Variants in RPS6KC1 observed in about 807,000 individuals in gnomAD.
The protein encoded by RPS6KC1 is ribosomal protein S6 kinase C1, also known as inactive ribosomal protein S6 kinase delta-1.
In RPS6KC1, 54 loss-of-function variants were observed where a neutral mutation model predicts 103.8. That is an observed-to-expected ratio of 0.52 (90% CI 0.42 to 0.65). The LOEUF is 0.65. Among genes scored for constraint, RPS6KC1 ranks in the 30% least tolerant of loss-of-function variants. RPS6KC1 has a pLI of 0.00. For missense variants in RPS6KC1, 1,151 were observed against 1,253.8 expected, an observed-to-expected ratio of 0.92 and a Z score of 1.24; for synonymous variants, 439 against 438.7, an observed-to-expected ratio of 1.00 and a Z score of -0.01.
chr1:213,207,669 C>CT (rs887234404), intron 8 of RPS6KC1, among the ~76,000 whole-genome samples: 17 of 151,010 alleles, frequency 1.1e-4, no homozygotes, highest in South Asian at 8.4e-4. Context: ...ATTTATATAC[C>CT]TTTTTTTTTG....
chr1:213,096,226 T>G (rs1452984055), intron 3 of RPS6KC1, among the ~76,000 whole-genome samples: 1 of 152,216 alleles, frequency 6.6e-6, no homozygotes, highest in Non-Finnish European at 1.5e-5. Context: ...GAAGCAACTC[T>G]TTGTTCATTT....
At position 213,064,491 on chromosome 1, in the gene RPS6KC1, C is replaced by T. The variant is rs141491266; in HGVS notation, c.106-6515C>T. Among the ~76,000 whole-genome samples, 581 of 151,764 alleles carry T rather than the reference C, an allele frequency of 3.8e-3. 3 individuals carry two copies. Among genetic ancestry groups the T allele is most frequent in the African/African-American group, 0.014 (559 of 41,362 alleles). ...CAAGCGATTCTCCTGCCTCAGTCTCCCTAGTAGCTGGGATTATAGGTGGAT... is the reference window on the plus strand; with the variant it reads ...CAAGCGATTCTCCTGCCTCAGTCTCTCTAGTAGCTGGGATTATAGGTGGAT... On this transcript the variant is annotated intron_variant, in intron 1 of 14. Coordinates refer to ENST00000366960, the MANE Select transcript of RPS6KC1 (RefSeq NM_012424.6).
At chr1:213,394,443 C>T in the RPS6KC1 span, among the ~76,000 whole-genome samples, 1 of 152,166 alleles carries the variant, frequency 6.6e-6, no homozygotes, top group Non-Finnish European at 1.5e-5. Flanking sequence ...TACCCCTCAC[C>T]CCACCTCCAC....
the RPS6KC1 span, chr1:213,794,299 CAAT>C: frequency 2.6e-5 from 4 of 152,226 alleles, no homozygotes; most frequent in Admixed American, 1.3e-4. Flanking sequence ...GTAGAAACAA[CAAT>C]GAGACTGTTG....
chr1:213,073,635 C>T (rs1008313046), intron 2 of RPS6KC1, among the ~76,000 whole-genome samples: 49 of 151,844 alleles, frequency 3.2e-4, no homozygotes, highest in African/African-American at 1.2e-3. Flanking sequence ...ACTTTTAAAT[C>T]CTTTTTTAAA....
At chr1:213,566,560 CATA>C in the RPS6KC1 span, among the ~76,000 whole-genome samples, 1 of 137,400 alleles carries the variant, frequency 7.3e-6, no homozygotes, top group Non-Finnish European at 1.5e-5. Flanking sequence ...CTATCATTCT[CATA>C]TTTTGCTCCC....
chr1:213,060,263 A>G (rs986548275), intron 1 of RPS6KC1, among the ~76,000 whole-genome samples: 1 of 152,250 alleles, frequency 6.6e-6, no homozygotes, highest in Non-Finnish European at 1.5e-5. Context: ...AGGATTATTA[A>G]CAAATGTCTG....
the RPS6KC1 span, among the ~76,000 whole-genome samples, chr1:213,736,241 A>G: frequency 3.3e-5 from 5 of 152,320 alleles, no homozygotes; most frequent in South Asian, 4.1e-4. Context: ...ACAACTTAAC[A>G]GGGTCCTCTA....
At chr1:213,742,463 G>T in the RPS6KC1 span, among the ~76,000 whole-genome samples, 1 of 152,208 alleles carries the variant, frequency 6.6e-6, no homozygotes, top group Non-Finnish European at 1.5e-5. Flanking sequence ...TCACTTTCTT[G>T]GAGAGGAGGA....
At chr1:213,109,861 G>A (rs1316980460) in intron 4 of RPS6KC1, among the ~76,000 whole-genome samples, 1 of 151,732 alleles carries the variant, frequency 6.6e-6, no homozygotes, top group Non-Finnish European at 1.5e-5. Flanking sequence ...GATTTAGAGG[G>A]TGTGTATGTA....
At chr1:213,814,068 A>T in the RPS6KC1 span, among the ~76,000 whole-genome samples, 61 of 152,356 alleles carry the variant, frequency 4.0e-4, no homozygotes, top group East Asian at 9.8e-3. Flanking sequence ...TTTATACAGA[A>T]TTAGAACATG....
downstream of RPS6KC1, among the ~76,000 whole-genome samples, chr1:213,275,797 C>CAGT (rs948448294): frequency 6.6e-6 from 1 of 152,200 alleles, no homozygotes; most frequent in Admixed American, 6.5e-5. Context: ...CCATGCTATG[C>CAGT]AGTAGATTGC....
chr1:213,670,739 A>G, the RPS6KC1 span, among the ~76,000 whole-genome samples: 3 of 152,148 alleles, frequency 2.0e-5, no homozygotes, highest in African/African-American at 4.8e-5. Context: ...CCTGTTGTTC[A>G]TCGGTGGTGG....
rs139398884 is a variant in RPS6KC1, at chr1:213,240,788, C to T, written c.1312C>T (p.Leu438Phe). ...FDIKEVKKPTLAKVHLQQPTS... is the reference protein window; with the variant it reads ...FDIKEVKKPTFAKVHLQQPTS... Reference sequence around the variant, plus strand: ...CATCAAGGAAGTGAAAAAACCTACACTTGCAAAAGTTCACCTGCAGCAGCC... The same window carrying T: ...CATCAAGGAAGTGAAAAAACCTACATTTGCAAAAGTTCACCTGCAGCAGCC... Residue 438 changes from leucine (L) to phenylalanine (F), a missense_variant, in exon 11 of 15, where the codon CTT becomes TTT. Leu to Phe is a conservative substitution (Grantham distance 22). This residue lies in a region of RPS6KC1 where 959 missense variants were observed against 1,006.3 expected (regional missense o/e 0.95). Coordinates refer to ENST00000366960, the MANE Select transcript of RPS6KC1 (RefSeq NM_012424.6). 4.3e-6 allele frequency: 7 copies of T among 1,613,898 alleles called. No homozygotes were observed. The African/African-American group carries it at 9.3e-5, about 22-fold the overall frequency.
At chr1:213,816,582 C>T in the RPS6KC1 span, among the ~76,000 whole-genome samples, 49 of 152,254 alleles carry the variant, frequency 3.2e-4, no homozygotes, top group African/African-American at 1.1e-3. Flanking sequence ...CTGGGCCGCT[C>T]GTGGGTAGAT....
chr1:213,657,236 T>C, the RPS6KC1 span, among the ~76,000 whole-genome samples: 1 of 152,058 alleles, frequency 6.6e-6, no homozygotes, highest in African/African-American at 2.4e-5. Flanking sequence ...CAGGGAAGAT[T>C]ACTGAACAAA....
intron 3 of RPS6KC1, among the ~76,000 whole-genome samples, chr1:213,078,897 A>G (rs567236732): frequency 2.2e-4 from 33 of 152,264 alleles, no homozygotes; most frequent in African/African-American, 6.0e-4. Context: ...CATCTCCTAG[A>G]TAGTATAATA....
the RPS6KC1 span, among the ~76,000 whole-genome samples, chr1:213,712,978 G>GT: frequency 2.6e-5 from 4 of 152,066 alleles, no homozygotes; most frequent in Non-Finnish European, 5.9e-5. Context: ...CTGGGAATCG[G>GT]TTTTTGGTTA....
chr1:213,504,975 G>A, the RPS6KC1 span, among the ~76,000 whole-genome samples: 2 of 151,942 alleles, frequency 1.3e-5, no homozygotes, highest in Non-Finnish European at 2.9e-5. Context: ...TCAGAGTTAG[G>A]GCCAAAGCCA....
Sources: gnomAD v4.1 joint callset for allele counts (sites outside exome capture counted in the v4.1 genomes callset) on GRCh38, gnomAD v4.1.1 for gene constraint, gnomAD v4.1.1 regional missense constraint, MANE v1.5 for transcripts, NCBI Gene and HGNC (gene_info 2026-07-23, HGNC 2026-07-21) for gene names.